The following ZNFX1 variants were observed in gnomAD, a reference collection of about 807,000 sequenced individuals.
ZNFX1 encodes the protein zinc finger NFX1-type containing 1, also known as NFX1-type zinc finger-containing protein 1.
Under a neutral mutation model 179.8 loss-of-function variants are expected in ZNFX1, and 78 were observed. The ratio of observed to expected loss-of-function variants is 0.43; its 90% CI spans 0.36 to 0.52. The LOEUF (loss-of-function observed/expected upper bound fraction) is 0.52. Among genes scored for constraint, ZNFX1 ranks in the 20% least tolerant of loss-of-function variants. ZNFX1 has a pLI of 0.00. For missense variants in ZNFX1, 1,927 were observed against 2,386.6 expected (o/e 0.81, Z 4.01); for synonymous variants, 848 against 868.5 (o/e 0.98, Z 0.42).
chr20:49,262,180 C>T (rs1981129881), intron 6 of ZNFX1, among the ~76,000 whole-genome samples: 1 of 151,432 alleles, frequency 6.6e-6, no homozygotes, highest in African/African-American at 2.4e-5. Context: ...TTTGGAGAGC[C>T]GAGGTGGGCG....
intron 3 of ZNFX1, among the ~76,000 whole-genome samples, chr20:49,269,371 G>A (rs940373307): frequency 2.6e-5 from 4 of 152,124 alleles, no homozygotes; most frequent in African/African-American, 9.7e-5. Context: ...AGTGGGAGGA[G>A]GGTGAGGATC....
chr20:49,263,571 C>A, intron 5 of ZNFX1, 88 bp from the exon 6 acceptor site: 1 of 1,457,714 alleles, frequency 6.9e-7, no homozygotes. Context: ...AAAGCTAAGA[C>A]AGGAACAGTA....
chr20:49,257,334 G>T, intron 8 of ZNFX1, 83 bp downstream of exon 8: 1 of 1,560,836 alleles, frequency 6.4e-7, no homozygotes, highest in South Asian at 1.2e-5. Flanking sequence ...TAATGGTGAA[G>T]TGAATATACT....
rs775959035 is a variant in ZNFX1, at chr20:49,248,486, G to C, written c.4538C>G (p.Pro1513Arg). ...GTAGTGCTGGCAGCGCCAGACACAGGGTTCCACGCAGGGACTACACAGCTC... is the reference window on the plus strand; with the variant it reads ...GTAGTGCTGGCAGCGCCAGACACAGCGTTCCACGCAGGGACTACACAGCTC... ...CGELCSPCVE[P>R]CVWRCQHYQC... The change falls in exon 14 of 14, where the codon CCC becomes CGC. Residue 1513 changes from proline (P) to arginine (R), a missense_variant. Physicochemically the swap from Pro to Arg is moderately radical, Grantham distance 103 (BLOSUM62 -2). Transcript: ENST00000396105. This position sits in a 1 kb window ranked among gnomAD's most constrained non-coding sequence, Gnocchi z 4.6. 1 of 1,612,936 alleles carries C rather than the reference G, an allele frequency of 6.2e-7. No individual in the cohort carries two copies. The highest frequency in any genetic ancestry group is 8.5e-7 in the Non-Finnish European group (1 of 1,179,138).
At chr20:49,252,953 T>C in intron 11 of ZNFX1, 123 bp from the exon 12 acceptor site, 1 of 716,772 alleles carries the variant, frequency 1.4e-6, no homozygotes, top group Non-Finnish European at 2.5e-6. Flanking sequence ...GGCACTATTC[T>C]ACATACTCAC....
At chr20:49,253,953 T>G (rs1980905127) in intron 10 of ZNFX1, 142 bp from the exon 11 acceptor site, 1 of 928,376 alleles carries the variant, frequency 1.1e-6, no homozygotes, top group Admixed American at 2.4e-5. Flanking sequence ...CTGGGTGGTC[T>G]CCAGAACATT....
rs186663857 is a variant in ZNFX1, at chr20:49,261,937, C to T, written c.2302-1360G>A. On this transcript the variant is annotated intron_variant, in intron 6 of 13. Coordinates refer to ENST00000396105, the MANE Select transcript of ZNFX1 (RefSeq NM_021035.3). Reference sequence around the variant, plus strand: ...CTGGGATTACAGGCGTGAGCCACTGCGCGCTTGGCCTCATGACACAAGTTT... The same window carrying T: ...CTGGGATTACAGGCGTGAGCCACTGTGCGCTTGGCCTCATGACACAAGTTT... Among the ~76,000 whole-genome samples the T allele has an allele frequency of 3.5e-3, 524 of 151,424 alleles. 3 individuals carry two copies. Among genetic ancestry groups the T allele is most frequent in the Admixed American group, 5.2e-3 (79 of 15,198 alleles).
intron 7 of ZNFX1, among the ~76,000 whole-genome samples, chr20:49,257,959 G>T (rs946165758): frequency 6.6e-6 from 1 of 151,804 alleles, no homozygotes; most frequent in Non-Finnish European, 1.5e-5. Flanking sequence ...TGATCTGCCC[G>T]CCTTGGCTTC....
intron 3 of ZNFX1, among the ~76,000 whole-genome samples, chr20:49,269,620 G>A (rs920805378): frequency 6.6e-6 from 1 of 152,170 alleles, no homozygotes; most frequent in African/African-American, 2.4e-5. Flanking sequence ...GGCAGAGGTC[G>A]CAGTGAGCCG....
chr20:49,258,389 T>C (rs1272197384), intron 7 of ZNFX1, among the ~76,000 whole-genome samples: 3 of 152,038 alleles, frequency 2.0e-5, no homozygotes, highest in African/African-American at 4.8e-5. Context: ...CACCCAGCCC[T>C]ATGTGATTAT....
chr20:49,274,363 CTA>C (rs1981499720), intron 2 of ZNFX1, among the ~76,000 whole-genome samples: 1 of 152,120 alleles, frequency 6.6e-6, no homozygotes, highest in African/African-American at 2.4e-5. Context: ...TGATAATAAA[CTA>C]TAGTCAATTA....
In ZNFX1 at chr20:49,247,438, TC is replaced by T; in HGVS notation, c.5585del (p.Gly1862GlufsTer14). Reference sequence around the variant, plus strand: ...CAGGACACGTGCCCCTCTCCATGGCTCCCCCACAATCGCCAATCACATAGAT... The same window carrying T: ...CAGGACACGTGCCCCTCTCCATGGCTCCCCACAATCGCCAATCACATAGAT... Reference protein sequence around the residue: ...GHIYVIGDCGGAMERGTCPDC... With the variant: ...GHIYVIGDCGXAMERGTCPDC... On this transcript the variant is annotated frameshift_variant, in exon 14 of 14. Coordinates refer to ENST00000396105, the MANE Select transcript of ZNFX1 (RefSeq NM_021035.3). LOFTEE classifies it high-confidence loss of function. The T allele has an allele frequency of 6.2e-7, 1 of 1,614,006 alleles. No homozygotes were observed. Among genetic ancestry groups the T allele is most frequent in the Non-Finnish European group, 8.5e-7 (1 of 1,180,010 alleles).
chr20:49,275,935 CA>C, intron 1 of ZNFX1, 48 bp from the exon 2 acceptor site: 5 of 1,262,538 alleles, frequency 4.0e-6, no homozygotes, highest in Non-Finnish European at 5.7e-6. Context: ...CATCTAGCAG[CA>C]AAAACCCAAA....
chr20:49,250,619 T>C (rs1174332555), intron 13 of ZNFX1, among the ~76,000 whole-genome samples: 1 of 152,206 alleles, frequency 6.6e-6, no homozygotes, highest in African/African-American at 2.4e-5. Flanking sequence ...CACGGTCTTG[T>C]TGGCTCACCA....
Position 49,247,344 on chromosome 20 carries a change from C to A in ZNFX1, c.5680G>T (p.Asp1894Tyr), listed in dbSNP as rs368406500. The change falls in exon 14 of 14, where the codon GAT becomes TAT. Residue 1894 changes from aspartate to tyrosine, a missense_variant. Asp to Tyr is a radical substitution (Grantham distance 160, BLOSUM62 -3). Coordinates refer to ENST00000396105, the MANE Select transcript of ZNFX1 (RefSeq NM_021035.3). ...GACCAGGCAGCATGCTGGGCTCCAT[C>A]CATTTCAGAAGCAAGCTGGTTGCTT... Reference protein sequence around the residue: ...ERSNQLASEMDGAQHAAWSDT... With the variant: ...ERSNQLASEMYGAQHAAWSDT... 3.1e-6 allele frequency: 5 copies of A among 1,614,056 alleles called. No individual in the cohort carries two copies. Among genetic ancestry groups the A allele is most frequent in the Non-Finnish European group, 4.2e-6 (5 of 1,180,038 alleles).
At chr20:49,276,703 G>C (rs1981569525) in intron 1 of ZNFX1, among the ~76,000 whole-genome samples, 1 of 152,180 alleles carries the variant, frequency 6.6e-6, no homozygotes, top group Non-Finnish European at 1.5e-5. Flanking sequence ...CCTCAGCAAA[G>C]GGATTTTTGA....
intron 13 of ZNFX1, 46 bp from the exon 14 acceptor site, chr20:49,249,757 C>T (rs1219696713): frequency 1.3e-6 from 2 of 1,558,596 alleles, no homozygotes; most frequent in African/African-American, 2.7e-5. Flanking sequence ...ACTCATGGCA[C>T]TTGTTTTTTT....
Position 49,260,459 on chromosome 20 carries a change from T to C in ZNFX1, c.2416+4A>G, listed in dbSNP as rs1244240960. On this transcript the variant is annotated splice_donor_region_variant and intron_variant, in intron 7 of 13. Coordinates refer to ENST00000396105, the MANE Select transcript of ZNFX1 (RefSeq NM_021035.3). The stretch of plus-strand genomic sequence containing the variant: ...TTGATTCTAGGAAGACATGCACTTC[T>C]TACCTGTATTCTCAGGTCCTGCTGG... 6.2e-7 allele frequency: 1 copy of C among 1,602,044 alleles called. No individual in the cohort carries two copies. Among genetic ancestry groups the C allele is most frequent in the Admixed American group, 1.7e-5 (1 of 59,834 alleles).
Position 49,248,412 on chromosome 20 carries a change from CA to C in ZNFX1, c.4611del (p.Tyr1537Ter). The part of the protein sequence containing the change: ...CSEPCNRPPC[Y>X]VPCTKLLVCG... ...CAAACTAGCAGCTTAGTACAAGGCA[CA>C]TAGCATGGGGGTCGGTTGCAGGGCT... is the stretch of plus-strand genomic sequence containing the variant. On this transcript the variant is annotated frameshift_variant, in exon 14 of 14. Transcript: ENST00000396105. LOFTEE classifies it high-confidence loss of function. This position sits in a 1 kb window ranked among gnomAD's most constrained non-coding sequence, Gnocchi z 4.6. The C allele has an allele frequency of 6.2e-7, 1 of 1,609,246 alleles. No homozygotes were observed. The highest frequency in any genetic ancestry group is 8.5e-7 in the Non-Finnish European group (1 of 1,176,944).
Sources: allele counts gnomAD v4.1 joint callset (sites outside exome capture counted in the v4.1 genomes callset), GRCh38; gene constraint gnomAD v4.1.1; non-coding constraint Gnocchi (gnomAD v3.1); transcripts MANE v1.5; gene names NCBI Gene and HGNC (gene_info 2026-07-23, HGNC 2026-07-21).